Variants in KDM5B observed in about 807,000 individuals in gnomAD.
The protein encoded by KDM5B is lysine-specific demethylase 5B.
KDM5B carries 144 observed loss-of-function variants against 193.4 expected under a neutral mutation model. The ratio of observed to expected loss-of-function variants is 0.74; its 90% confidence interval spans 0.65 to 0.86. KDM5B has a LOEUF of 0.86. KDM5B is among the 40% of genes least tolerant of loss of function. The pLI, the probability that KDM5B is intolerant of heterozygous loss-of-function variation, is 0.00. For synonymous variants in KDM5B, 668 were observed against 682.6 expected, an observed-to-expected ratio of 0.98 and a Z score of 0.33; for missense variants, 1,833 against 1,886.9, an observed-to-expected ratio of 0.97 and a Z score of 0.53.
At chr1:202,752,667 GC>G (rs1655839120) in intron 12 of KDM5B, among the ~76,000 whole-genome samples, 1 of 152,154 alleles carries the variant, frequency 6.6e-6, no homozygotes, top group Admixed American at 6.5e-5. Flanking sequence ...ATTATTACTT[GC>G]AAAGGAAGGC....
chr1:202,735,540 C>G lies in KDM5B; in HGVS notation c.3312G>C (p.Lys1104Asn). 1 of 1,614,038 alleles carries G rather than the reference C, an allele frequency of 6.2e-7. No individual in the cohort carries two copies. The highest frequency in any genetic ancestry group is 8.5e-7 in the Non-Finnish European group (1 of 1,179,936). ...GCAAGGGCTCCTTTAACTTTCTCTG[C>G]TTCCTTTTCAATCCCAAAAGGCCAA... The part of the protein sequence containing the change: ...CDIGLLGLKR[K>N]QRKLKEPLPN... The change falls in exon 22 of 27, where the codon AAG (lysine) becomes AAC (asparagine). Residue 1104 changes from lysine (K) to asparagine (N), a missense_variant. Lys to Asn is a moderately conservative substitution (Grantham distance 94). This residue lies in a region of KDM5B where 1,379 missense variants were observed against 1,349.6 expected (regional missense o/e 1.02). Coordinates refer to ENST00000367265, the MANE Select transcript of KDM5B (RefSeq NM_006618.5).
intron 22 of KDM5B, among the ~76,000 whole-genome samples, chr1:202,734,486 T>TTAACAGA (rs1655023894): frequency 6.6e-6 from 1 of 152,126 alleles, no homozygotes; most frequent in African/African-American, 2.4e-5. Context: ...CTACCATAAA[T>TTAACAGA]TAACAGATAA....
At chr1:202,772,729 G>T (rs964605466) in intron 4 of KDM5B, among the ~76,000 whole-genome samples, 1 of 150,080 alleles carries the variant, frequency 6.7e-6, no homozygotes, top group Non-Finnish European at 1.5e-5. Flanking sequence ...TCAGAGTCTC[G>T]CTCTTTGCCC....
At position 202,742,498 on chromosome 1, in the gene KDM5B, A is replaced by G. The variant is rs148801285; in HGVS notation, c.2482T>C (p.Ser828Pro). The change falls in exon 18 of 27, where the codon TCT becomes CCT. Residue 828 changes from serine to proline, a missense_variant. By Grantham distance (74) the Ser-to-Pro change is moderately conservative. Around this residue, in one of 3 missense-constraint regions of KDM5B, gnomAD observed 1,379 missense variants for 1,349.6 expected, o/e 1.02. Transcript: ENST00000367265. The stretch of plus-strand genomic sequence containing the variant: ...TGATTTTGGGATTTCCCTCCACCAG[A>G]TCGATATCTGTAAAGACAAAGGCCC... ...LNGKRQTRYR[S>P]GGGKSQNQLT... 1.2e-6 allele frequency: 2 copies of G among 1,613,710 alleles called. No homozygotes were observed. Among genetic ancestry groups the G allele is most frequent in the African/African-American group, 2.7e-5 (2 of 74,918 alleles).
At position 202,724,720 on chromosome 1, in the gene KDM5B, T is replaced by C. The variant is rs1419775135; in HGVS notation, c.*4316A>G. ...ACTGTTGAACTACTTGTCCTGATCATACACAGAAGGGGCTTGTGTGTGTGT... is the reference window on the plus strand; with the variant it reads ...ACTGTTGAACTACTTGTCCTGATCACACACAGAAGGGGCTTGTGTGTGTGT... On this transcript the variant is annotated 3_prime_UTR_variant, in exon 27 of 27. Coordinates refer to ENST00000367265, the MANE Select transcript of KDM5B (RefSeq NM_006618.5). The C allele has an allele frequency of 7.0e-6, 1 of 142,566 alleles. No homozygotes were observed. Among genetic ancestry groups the C allele is most frequent in the African/African-American group, 2.5e-5 (1 of 40,224 alleles). 8.8% of individuals were successfully genotyped at this position (142,566 alleles called of 1,614,324 possible).
intron 1 of KDM5B, 83 bp from the exon 2 acceptor site, chr1:202,777,177 T>C: frequency 9.5e-7 from 1 of 1,052,224 alleles, no homozygotes; most frequent in Non-Finnish European, 1.5e-6. Context: ...AAACCCAGGT[T>C]AGGTAAATCT....
At chr1:202,785,640 G>C (rs895299495) in intron 1 of KDM5B, among the ~76,000 whole-genome samples, 4 of 152,168 alleles carry the variant, frequency 2.6e-5, no homozygotes, top group African/African-American at 9.7e-5. Context: ...GGGAAGGTGT[G>C]GTGGCTCACG....
intron 1 of KDM5B, among the ~76,000 whole-genome samples, chr1:202,800,251 C>T (rs1180557040): frequency 6.6e-6 from 1 of 152,052 alleles, no homozygotes; most frequent in Admixed American, 6.6e-5. Context: ...ACCATGTTGG[C>T]CAGGATGGTC....
intron 23 of KDM5B, among the ~76,000 whole-genome samples, chr1:202,732,700 G>A (rs1167794414): frequency 6.6e-6 from 1 of 151,844 alleles, no homozygotes; most frequent in East Asian, 1.9e-4. Flanking sequence ...TGGCACAAGA[G>A]AGTTGTGGTA....
chr1:202,755,359 G>T lies in KDM5B; in HGVS notation c.1450C>A (p.Leu484Ile), dbSNP rs781275004. The change falls in exon 11 of 27, where the codon CTT becomes ATT. Residue 484 changes from leucine to isoleucine, a missense_variant. Physicochemically the swap from Leu to Ile is conservative, Grantham distance 5. This residue lies in a region of KDM5B where 1,379 missense variants were observed against 1,349.6 expected (regional missense o/e 1.02). Coordinates refer to ENST00000367265, the MANE Select transcript of KDM5B (RefSeq NM_006618.5). ...CACATTCCCACATACAACCAAGGAA[G>T]TTTCATGCCACATATATCAGCAGTA... ...HITADICGMK[L>I]PWLYVGMCFS... The T allele has an allele frequency of 4.3e-6, 7 of 1,613,862 alleles. No homozygotes were observed. The highest frequency in any genetic ancestry group is 2.7e-5 in the African/African-American group (2 of 74,898).
At chr1:202,798,194 T>C (rs1181030813) in intron 1 of KDM5B, among the ~76,000 whole-genome samples, 2 of 151,576 alleles carry the variant, frequency 1.3e-5, no homozygotes, top group East Asian at 1.9e-4. Context: ...AGTGAGACCC[T>C]GTCTCAAAAA....
At chr1:202,778,210 G>A (rs551448838) in intron 1 of KDM5B, among the ~76,000 whole-genome samples, 18 of 151,962 alleles carry the variant, frequency 1.2e-4, no homozygotes, top group East Asian at 3.9e-4. Context: ...ATGTATACTC[G>A]TATAGACAAC....
intron 20 of KDM5B, among the ~76,000 whole-genome samples, chr1:202,738,810 G>A (rs1009430659): frequency 7.2e-5 from 11 of 152,112 alleles, no homozygotes; most frequent in African/African-American, 2.4e-4. Context: ...TCTGAAAACT[G>A]GGAAAATCAT....
At chr1:202,793,585 A>T (rs1258308175) in intron 1 of KDM5B, among the ~76,000 whole-genome samples, 1 of 152,230 alleles carries the variant, frequency 6.6e-6, no homozygotes, top group African/African-American at 2.4e-5. Flanking sequence ...TAGGAGCTCA[A>T]GGATAACATG....
chr1:202,762,219 C>T (rs1234306015), intron 7 of KDM5B, among the ~76,000 whole-genome samples: 1 of 152,136 alleles, frequency 6.6e-6, no homozygotes, highest in East Asian at 1.9e-4. Flanking sequence ...TTCCTTCCTT[C>T]TCTACTTCCT....
In KDM5B at chr1:202,729,164, C is replaced by A; in HGVS notation, c.4507G>T (p.Val1503Phe). ...LQPEGDEVDW[V>F]QCDGSCNQWF... ...TGATTGCAGCTGCCATCACACTGGA[C>A]CCAGTCCACCTGGTTACAAAGAGCA... The change falls in exon 27 of 27, where the codon GTC (valine) becomes TTC (phenylalanine). Residue 1503 changes from valine (V) to phenylalanine (F), a missense_variant. Physicochemically the swap from Val to Phe is conservative, Grantham distance 50. Transcript: ENST00000367265. 6.2e-7 allele frequency: 1 copy of A among 1,614,094 alleles called. No individual in the cohort carries two copies. Among genetic ancestry groups the A allele is most frequent in the Non-Finnish European group, 8.5e-7 (1 of 1,179,976 alleles).
Position 202,740,830 on chromosome 1 carries a change from A to C in KDM5B, c.2946-18T>G. 2 of 1,597,298 alleles carry C rather than the reference A, an allele frequency of 1.3e-6. No homozygotes were observed. The highest frequency in any genetic ancestry group is 1.1e-5 in the South Asian group (1 of 89,730). ...GTCGTGGCCTACAAAATGCAAACAA[A>C]GACTTCTTAGCATTTTATATGATGG... On this transcript the variant is annotated intron_variant, in intron 19 of 26. Transcript: ENST00000367265.
chr1:202,748,345 G>A (rs1156780092), intron 14 of KDM5B, among the ~76,000 whole-genome samples: 1 of 152,024 alleles, frequency 6.6e-6, no homozygotes, highest in Non-Finnish European at 1.5e-5. Context: ...GATTAGGCAA[G>A]ATTTATTAAA....
intron 1 of KDM5B, among the ~76,000 whole-genome samples, chr1:202,798,032 T>A (rs1489095424): frequency 1.3e-5 from 2 of 152,074 alleles, no homozygotes; most frequent in African/African-American, 2.4e-5. Context: ...TCTATTAAAA[T>A]AAATACAAAA....
Sources: gnomAD v4.1 joint callset for allele counts (sites outside exome capture counted in the v4.1 genomes callset) on GRCh38, gnomAD v4.1.1 for gene constraint, gnomAD v4.1.1 regional missense constraint, MANE v1.5 for transcripts, NCBI Gene and HGNC (gene_info 2026-07-23, HGNC 2026-07-21) for gene names.